CHM: variants seen among roughly 807,000 people sequenced by gnomAD.
CHM encodes the protein rab proteins geranylgeranyltransferase component A 1.
Under a neutral mutation model 49.0 loss-of-function variants are expected in CHM, and 10 were observed. The observed-to-expected ratio is 0.20, with a 90% confidence interval of 0.13 to 0.35. CHM has a LOEUF of 0.35. Among genes scored for constraint, CHM ranks in the 10% least tolerant of loss-of-function variants. The pLI, the probability that CHM is intolerant of heterozygous loss-of-function variation, is 1.00. For synonymous variants in CHM, 184 were observed against 167.5 expected, an observed-to-expected ratio of 1.10 and a Z score of -0.76; for missense variants, 455 against 478.4, an observed-to-expected ratio of 0.95 and a Z score of 0.46.
In CHM at chrX:85,910,574, G is replaced by C. The variant is rs759395419; in HGVS notation, c.1244+687C>G. Among the ~76,000 whole-genome samples the C allele has an allele frequency of 5.2e-4, 58 of 111,436 alleles. 1 individual carries two copies. The highest frequency in any genetic ancestry group is 1.8e-3 in the African/African-American group (56 of 30,766). ...ATATAAAATACACAGTAAACAGATG[G>C]TGTTCAGCTCTTTTAAAGAAAAGGT... On this transcript the variant is annotated intron_variant, in intron 9 of 14. Transcript: ENST00000357749.
intron 5 of CHM, 62 bp from the exon 6 acceptor site, chrX:85,959,039 A>G (rs947305107): frequency 1.7e-6 from 2 of 1,151,217 alleles, no homozygotes; most frequent in East Asian, 3.1e-5. Context: ...GGAAAACAAT[A>G]AAGATACATA....
At chrX:85,990,394 ACC>A (rs780405024) in intron 2 of CHM, among the ~76,000 whole-genome samples, 17 of 111,549 alleles carry the variant, frequency 1.5e-4, no homozygotes, top group Non-Finnish European at 3.0e-4. Flanking sequence ...TGCGCTTAAT[ACC>A]TGGTTGCTGA....
chrX:85,977,805 G>T (rs1473053238), intron 4 of CHM, among the ~76,000 whole-genome samples: 1 of 111,819 alleles, frequency 8.9e-6, no homozygotes, highest in Non-Finnish European at 1.9e-5. Flanking sequence ...TTCAAAGGCT[G>T]TGCTTTTACA....
chrX:85,959,780 ACTCTTAAT>A (rs1167159837), intron 5 of CHM, among the ~76,000 whole-genome samples: 2 of 111,515 alleles, frequency 1.8e-5, no homozygotes, highest in East Asian at 5.6e-4. Flanking sequence ...ATATTAAGAT[ACTCTTAAT>A]GCCTATAACT....
intron 6 of CHM, among the ~76,000 whole-genome samples, chrX:85,958,196 A>C (rs1483877536): frequency 8.9e-6 from 1 of 112,150 alleles, no homozygotes; most frequent in African/African-American, 3.2e-5. Flanking sequence ...CATGCCATTA[A>C]AAGGCCAACG....
chrX:86,039,510 CAAAAA>C (rs769393073), intron 1 of CHM, among the ~76,000 whole-genome samples: 13 of 40,207 alleles, frequency 3.2e-4, no homozygotes, highest in Non-Finnish European at 4.8e-4. Flanking sequence ...TGGCCTAGAC[CAAAAA>C]AAAAAAAAAA....
At chrX:85,925,868 A>G in intron 8 of CHM, among the ~76,000 whole-genome samples, 1 of 111,460 alleles carries the variant, frequency 9.0e-6, no homozygotes. Context: ...GAATGTCTTT[A>G]GGGAGCCCTA....
At chrX:85,973,777 G>C (rs1931100144) in intron 4 of CHM, among the ~76,000 whole-genome samples, 1 of 111,673 alleles carries the variant, frequency 9.0e-6, no homozygotes, top group South Asian at 3.7e-4. Context: ...TCCTTTCTGG[G>C]AAAAAAGAAC....
In CHM at chrX:85,937,115, A is replaced by T. The variant is rs968230974; in HGVS notation, c.1166+19038T>A. ...CCCCGTCTCTACTAAAAATACAAAA[A>T]ATTAGCCGGGTGTGGTTGCGGGCGC... On this transcript the variant is annotated intron_variant, in intron 8 of 14. Transcript: ENST00000357749. Among the ~76,000 whole-genome samples the T allele has an allele frequency of 5.2e-4, 57 of 109,112 alleles. 1 individual carries two copies. The highest frequency in any genetic ancestry group is 5.7e-5 in the Non-Finnish European group (3 of 52,520). The allele number at this position is 109,112 out of a possible 115,157, so 94.8% of individuals were successfully genotyped here.
intron 11 of CHM, among the ~76,000 whole-genome samples, chrX:85,896,259 G>A (rs1181360616): frequency 9.0e-6 from 1 of 111,224 alleles, no homozygotes; most frequent in East Asian, 2.8e-4. Context: ...ATATGTAGAA[G>A]GCAGATTTGA....
intron 2 of CHM, among the ~76,000 whole-genome samples, chrX:86,026,507 G>A (rs745827757): frequency 1.1e-4 from 12 of 110,820 alleles, no homozygotes; most frequent in African/African-American, 2.3e-4. Flanking sequence ...ACAAGCAGTC[G>A]TGCATACAAT....
intron 2 of CHM, among the ~76,000 whole-genome samples, chrX:85,984,481 G>A (rs977652371): frequency 9.0e-6 from 1 of 111,359 alleles, no homozygotes; most frequent in African/African-American, 3.3e-5. Context: ...TGATGTGGAT[G>A]GCCAGAATGC....
intron 12 of CHM, among the ~76,000 whole-genome samples, chrX:85,893,110 A>G (rs1329063716): frequency 9.0e-6 from 1 of 111,527 alleles, no homozygotes; most frequent in African/African-American, 3.3e-5. Context: ...TGAAATGCCT[A>G]GCACAATATG....
At chrX:85,916,477 T>C (rs1343475667) in intron 8 of CHM, among the ~76,000 whole-genome samples, 5 of 111,807 alleles carry the variant, frequency 4.5e-5, no homozygotes, top group African/African-American at 1.3e-4. Flanking sequence ...ACTAAAGAGC[T>C]TCTGCACAGC....
intron 2 of CHM, among the ~76,000 whole-genome samples, chrX:86,007,419 T>C (rs1480038251): frequency 9.0e-6 from 1 of 111,534 alleles, no homozygotes; most frequent in African/African-American, 3.3e-5. Context: ...TGGGATCTAA[T>C]TAAACTAAAG....
At chrX:85,884,667 C>G (rs1201228543) in intron 12 of CHM, among the ~76,000 whole-genome samples, 1 of 110,922 alleles carries the variant, frequency 9.0e-6, no homozygotes, top group East Asian at 2.8e-4. Context: ...TTTACAAATT[C>G]TAAATCAAAC....
Position 85,911,354 on chromosome X carries a change from A to G in CHM, c.1167-16T>C, listed in dbSNP as rs750282022. On this transcript the variant is annotated splice_polypyrimidine_tract_variant and intron_variant, in intron 8 of 14. Coordinates refer to ENST00000357749, the MANE Select transcript of CHM (RefSeq NM_000390.4). ...AGCACACATCCTAGAAAGAGAACAGAAAAATAAGAATTAGGGTAATTGGGT... is the reference window on the plus strand; with the variant it reads ...AGCACACATCCTAGAAAGAGAACAGGAAAATAAGAATTAGGGTAATTGGGT... The G allele has an allele frequency of 3.1e-6, 3 of 960,629 alleles. No individual in the cohort carries two copies. The highest frequency in any genetic ancestry group is 3.9e-5 in the South Asian group (2 of 51,518). The allele number at this position is 960,629 out of a possible 1,213,427, so 79.2% of individuals were successfully genotyped here.
chrX:85,959,141 A>G (rs1487927155), intron 5 of CHM, among the ~76,000 whole-genome samples, 164 bp from the exon 6 acceptor site: 1 of 112,000 alleles, frequency 8.9e-6, no homozygotes, highest in African/African-American at 3.2e-5. Flanking sequence ...AGAATTGATT[A>G]GCTGAAATTC....
intron 2 of CHM, among the ~76,000 whole-genome samples, chrX:85,986,633 G>A (rs918296880): frequency 1.8e-5 from 2 of 111,706 alleles, no homozygotes; most frequent in African/African-American, 3.3e-5. Context: ...ACGAAGCCTC[G>A]GTCCTGTGAA....
Sources: allele counts gnomAD v4.1 joint callset (sites outside exome capture counted in the v4.1 genomes callset), GRCh38; gene constraint gnomAD v4.1.1; transcripts MANE v1.5; gene names NCBI Gene and HGNC (gene_info 2026-07-23, HGNC 2026-07-21).